Variants in FAT3 observed in about 807,000 individuals in gnomAD.
The protein encoded by FAT3 is FAT atypical cadherin 3.
FAT3 carries 95 observed loss-of-function variants against 310.2 expected under a neutral mutation model. That is an observed-to-expected ratio of 0.31 (90% CI 0.26 to 0.36). The LOEUF is 0.36. FAT3 is among the 10% of genes least tolerant of loss of function. The pLI, the probability that FAT3 is intolerant of heterozygous loss-of-function variation, is 1.00. For synonymous variants in FAT3, 2,314 were observed against 2,192.9 expected (o/e 1.06, Z -1.54); for missense variants, 5,408 against 5,715.6 (o/e 0.95, Z 1.74).
intron 3 of FAT3, among the ~76,000 whole-genome samples, chr11:92,537,921 G>T (rs642090): frequency 0.4 from 61,320 of 151,630 alleles, 12,779 homozygotes; most frequent in Middle Eastern, 0.53. Context: ...CCTTTAGGTT[G>T]GGTAAGTGGG....
chr11:92,478,954 T>TTTCTG (rs1952133135), intron 2 of FAT3, among the ~76,000 whole-genome samples: 1 of 83,034 alleles, frequency 1.2e-5, no homozygotes, highest in Non-Finnish European at 2.5e-5. Flanking sequence ...CTTTCTTTCT[T>TTTCTG]TTCTTTTCTT....
At chr11:92,793,772 C>T (rs917363421) in intron 9 of FAT3, among the ~76,000 whole-genome samples, 2 of 152,078 alleles carry the variant, frequency 1.3e-5, no homozygotes, top group African/African-American at 2.4e-5. Context: ...TTATGTCTGT[C>T]GTGAATAATG....
chr11:92,296,049 C>T (rs180976188), intron 1 of FAT3, among the ~76,000 whole-genome samples: 1 of 152,204 alleles, frequency 6.6e-6, no homozygotes, highest in East Asian at 1.9e-4. Flanking sequence ...GGCCACCTTA[C>T]AGGTTTCCCC....
chr11:92,633,414 T>C (rs1256157854), intron 3 of FAT3, among the ~76,000 whole-genome samples: 1 of 152,132 alleles, frequency 6.6e-6, no homozygotes, highest in Non-Finnish European at 1.5e-5. Flanking sequence ...TTAAGAACAT[T>C]ATTTTGTTTG....
intron 3 of FAT3, among the ~76,000 whole-genome samples, chr11:92,619,903 A>G (rs1166764842): frequency 2.0e-5 from 3 of 151,532 alleles, no homozygotes; most frequent in African/African-American, 7.3e-5. Context: ...TTCCTTTTTC[A>G]CTGGAAGTTT....
rs747280334 is a variant in FAT3 at position 92,844,671 on chromosome 11, C to T, written c.11304C>T (p.Ser3768=). 1.9e-6 allele frequency: 3 copies of T among 1,598,750 alleles called. No individual in the cohort carries two copies. The South Asian group carries it at 3.4e-5, about 18-fold the overall frequency. ...ATTCCCACGCGCTCATGACCTACAG[C>T]ACGGCTCGCATCAGCTTTGTGTGTC... ...SLDSHALMTY[S]TARISFVCPR... The change falls in exon 19 of 28, where the codon AGC becomes AGT. Residue 3768 remains serine, a synonymous_variant. Transcript: ENST00000525166.
intron 1 of FAT3, among the ~76,000 whole-genome samples, chr11:92,260,338 T>C (rs939993479): frequency 6.6e-6 from 1 of 152,044 alleles, no homozygotes; most frequent in African/African-American, 2.4e-5. Context: ...TTAAAAAATA[T>C]TTGACCCAAG....
In FAT3 at chr11:92,896,287, A is replaced by G. The variant is rs1452375302; in HGVS notation, c.*5174A>G. ...GCATATATTGCTGGTGGCAGTATTC[A>G]GTCTTGTGTTCTTTTTCTAAAAAAA... is the stretch of plus-strand genomic sequence containing the variant. On this transcript the variant is annotated 3_prime_UTR_variant, in exon 28 of 28. Transcript: ENST00000525166. 1 of 151,212 alleles carries G rather than the reference A, an allele frequency of 6.6e-6. No individual in the cohort carries two copies. The highest frequency in any genetic ancestry group is 2.0e-4 in the East Asian group (1 of 5,116). 9.4% of individuals were successfully genotyped at this position (151,212 alleles called of 1,614,324 possible).
At chr11:92,591,128 T>C (rs1420660178) in intron 3 of FAT3, among the ~76,000 whole-genome samples, 1 of 152,126 alleles carries the variant, frequency 6.6e-6, no homozygotes, top group Non-Finnish European at 1.5e-5. Flanking sequence ...TAATTCTATT[T>C]CCAAGCCAAA....
chr11:92,597,758 T>A (rs1793221272), intron 3 of FAT3, among the ~76,000 whole-genome samples: 1 of 152,206 alleles, frequency 6.6e-6, no homozygotes, highest in African/African-American at 2.4e-5. Context: ...ACATCCAGAC[T>A]GATATGAATC....
intron 17 of FAT3, among the ~76,000 whole-genome samples, chr11:92,838,763 G>T (rs1198458205): frequency 8.3e-4 from 126 of 152,122 alleles, no homozygotes; most frequent in Non-Finnish European, 8.8e-5. Flanking sequence ...TCAAGAATTT[G>T]AGCCTGACCA....
chr11:92,319,056 T>G (rs191655253), intron 1 of FAT3, among the ~76,000 whole-genome samples: 16 of 152,332 alleles, frequency 1.1e-4, no homozygotes, highest in Middle Eastern at 3.4e-3. Flanking sequence ...CTTATATGCA[T>G]GCACTCATAC....
At chr11:92,315,516 GAGAGA>G (rs1947431904) in intron 1 of FAT3, among the ~76,000 whole-genome samples, 2 of 70,550 alleles carry the variant, frequency 2.8e-5, no homozygotes, top group East Asian at 3.8e-4. Context: ...TATATATAGA[GAGAGA>G]GAGAGAGAGA....
intron 2 of FAT3, among the ~76,000 whole-genome samples, chr11:92,371,220 A>C (rs934934581): frequency 1.3e-5 from 2 of 152,208 alleles, no homozygotes; most frequent in East Asian, 3.9e-4. Flanking sequence ...TTTTCTTTTC[A>C]TAAGGATTCT....
chr11:92,275,717 A>G (rs963187317), intron 1 of FAT3, among the ~76,000 whole-genome samples: 2 of 152,150 alleles, frequency 1.3e-5, no homozygotes, highest in African/African-American at 4.8e-5. Context: ...ACTTTTCAGG[A>G]GCACATGAGT....
intron 2 of FAT3, among the ~76,000 whole-genome samples, chr11:92,430,641 C>T (rs975103953): frequency 6.6e-6 from 1 of 152,068 alleles, no homozygotes; most frequent in African/African-American, 2.4e-5. Flanking sequence ...GGTATATCTC[C>T]TAATGCTATG....
At chr11:92,492,241 TTCCATCCATCCATCCATCCATCCA>T (rs58384100) in intron 2 of FAT3, among the ~76,000 whole-genome samples, 1 of 148,732 alleles carries the variant, frequency 6.7e-6, no homozygotes, top group African/African-American at 2.5e-5. Context: ...ATATATATAT[TTCCATCCATCCATCCATCCATCCA>T]TCCATCCATC....
At position 92,857,267 on chromosome 11, in the gene FAT3, G is replaced by T; in HGVS notation, c.11419G>T (p.Asp3807Tyr). 1 of 1,614,018 alleles carries T rather than the reference G, an allele frequency of 6.2e-7. No individual in the cohort carries two copies. Among genetic ancestry groups the T allele is most frequent in the Non-Finnish European group, 8.5e-7 (1 of 1,179,892 alleles). The change falls in exon 20 of 28, where the codon GAC becomes TAC. Residue 3807 changes from aspartate (D) to tyrosine (Y), a missense_variant. Around this residue, in one of 5 missense-constraint regions of FAT3, gnomAD observed 4,588 missense variants for 4,809.8 expected, o/e 0.95. Coordinates refer to ENST00000525166, the MANE Select transcript of FAT3 (RefSeq NM_001367949.2). ...TTGTGTGGAGAAGCCGTGTCCAGGGGACATGCAGTGTGTCAGTTATGAAGC... is the reference window on the plus strand; with the variant it reads ...TTGTGTGGAGAAGCCGTGTCCAGGGTACATGCAGTGTGTCAGTTATGAAGC... Reference protein sequence around the residue: ...DPCVEKPCPGDMQCVSYEASR... With the variant: ...DPCVEKPCPGYMQCVSYEASR...
chr11:92,871,690 T>C (rs1374597266), intron 22 of FAT3, among the ~76,000 whole-genome samples: 1 of 152,224 alleles, frequency 6.6e-6, no homozygotes, highest in Non-Finnish European at 1.5e-5. Context: ...TTTGCACATT[T>C]CTGAACTTTC....
Sources: gnomAD v4.1 joint callset for allele counts (sites outside exome capture counted in the v4.1 genomes callset) on GRCh38, gnomAD v4.1.1 for gene constraint, gnomAD v4.1.1 regional missense constraint, MANE v1.5 for transcripts, NCBI Gene and HGNC (gene_info 2026-07-23, HGNC 2026-07-21) for gene names.